The following NABP2 variants were observed in gnomAD, a reference collection of about 807,000 sequenced individuals.
The protein encoded by NABP2 is nucleic acid binding protein 2, also known as SOSS complex subunit B1.
In NABP2, 7 loss-of-function variants were observed where a neutral mutation model predicts 22.7. The observed-to-expected ratio is 0.31, with a 90% CI of 0.18 to 0.58. The LOEUF (loss-of-function observed/expected upper bound fraction) is 0.58. NABP2 is among the 20% of genes least tolerant of loss of function. The pLI is 0.89. For synonymous variants in NABP2, 107 were observed against 99.2 expected, an observed-to-expected ratio of 1.08 and a Z score of -0.47; for missense variants, 188 against 265.9, an observed-to-expected ratio of 0.71 and a Z score of 2.04.
upstream of NABP2, chr12:56,224,272 A>T (rs1869650531): frequency 1.1e-6 from 1 of 951,328 alleles, no homozygotes; most frequent in Non-Finnish European, 1.3e-6. Flanking sequence ...AGGCGGCGGG[A>T]CGCAGGGCGC....
upstream of NABP2, among the ~76,000 whole-genome samples, chr12:56,222,865 T>C (rs1256062380): frequency 6.6e-6 from 1 of 152,210 alleles, no homozygotes; most frequent in East Asian, 1.9e-4. Flanking sequence ...TGTGGACAAT[T>C]TGACAGGTCC....
At chr12:56,225,831 T>A in intron 4 of NABP2, 136 bp downstream of exon 4, 1 of 996,740 alleles carries the variant, frequency 1.0e-6, no homozygotes, top group Non-Finnish European at 1.5e-6. Flanking sequence ...TGAGAAACAG[T>A]CTCTGTCGCT....
Position 56,229,352 on chromosome 12 carries a change from A to G in NABP2, c.*139A>G, listed in dbSNP as rs1462886154. The G allele has an allele frequency of 1.2e-6, 1 of 836,998 alleles. No homozygotes were observed. Among genetic ancestry groups the G allele is most frequent in the Non-Finnish European group, 1.9e-6 (1 of 531,970 alleles). 51.8% of individuals were successfully genotyped at this position (836,998 alleles called of 1,614,324 possible). ...AGGGTGGTGAGCAGTGTCCTTATCCACCCTAATCTCATACTCCCTCATTGT... is the reference window on the plus strand; with the variant it reads ...AGGGTGGTGAGCAGTGTCCTTATCCGCCCTAATCTCATACTCCCTCATTGT... On this transcript the variant is annotated 3_prime_UTR_variant, in exon 7 of 7. Coordinates refer to ENST00000267023, the MANE Select transcript of NABP2 (RefSeq NM_024068.4).
intron 4 of NABP2, 139 bp downstream of exon 4, chr12:56,225,834 CTG>C (rs1371883117): frequency 9.0e-6 from 9 of 995,598 alleles, no homozygotes; most frequent in Non-Finnish European, 1.4e-5. Flanking sequence ...GAAACAGTCT[CTG>C]TCGCTCAGGC....
At chr12:56,225,181 GC>G (rs1244221431) in intron 2 of NABP2, among the ~76,000 whole-genome samples, 191 bp from the exon 3 acceptor site, 3 of 151,964 alleles carry the variant, frequency 2.0e-5, no homozygotes, top group East Asian at 3.9e-4. Context: ...CATGGTGCTG[GC>G]CCCTGAACTC....
chr12:56,225,611 T>C lies in NABP2; in HGVS notation c.219-13T>C. 6.2e-7 allele frequency: 1 copy of C among 1,614,198 alleles called. No homozygotes were observed. Among genetic ancestry groups the C allele is most frequent in the Non-Finnish European group, 8.5e-7 (1 of 1,180,038 alleles). On this transcript the variant is annotated splice_polypyrimidine_tract_variant and intron_variant, in intron 3 of 6. Coordinates refer to ENST00000267023, the MANE Select transcript of NABP2 (RefSeq NM_024068.4). ...TTCTGAGTACTGAATTTTGCTTTTTTTGCCTCCCATAGGTACGCTTCAGTT... is the reference window on the plus strand; with the variant it reads ...TTCTGAGTACTGAATTTTGCTTTTTCTGCCTCCCATAGGTACGCTTCAGTT...
At position 56,229,087 on chromosome 12, in the gene NABP2, T is replaced by TCA; in HGVS notation, c.511_512insAC (p.Pro171HisfsTer63). 1.3e-6 allele frequency: 2 copies of TCA among 1,512,346 alleles called. No homozygotes were observed. The highest frequency in any genetic ancestry group is 1.2e-5 in the South Asian group (1 of 84,152). The allele number at this position is 1,512,346 out of a possible 1,614,324, so 93.7% of individuals were successfully genotyped here. The stretch of plus-strand genomic sequence containing the variant: ...GTGGTGGCCCACATCCCCCTCATAC[T>TCA]CCCTCCCACCCACCCAGCACCCGAA... On this transcript the variant is annotated frameshift_variant, in exon 7 of 7. Transcript: ENST00000267023. LOFTEE classifies it high-confidence loss of function.
chr12:56,226,075 T>C, intron 4 of NABP2, 104 bp from the exon 5 acceptor site: 1 of 992,734 alleles, frequency 1.0e-6, no homozygotes, highest in South Asian at 1.4e-5. Flanking sequence ...GTGCTAGGAT[T>C]ACAGGTGTGA....
chr12:56,229,116 C>G lies in NABP2; in HGVS notation c.539C>G (p.Thr180Ser), dbSNP rs1592370117. The change falls in exon 7 of 7, where the codon ACT becomes AGT. Residue 180 changes from threonine to serine, a missense_variant. Physicochemically the swap from Thr to Ser is moderately conservative, Grantham distance 58. Coordinates refer to ENST00000267023, the MANE Select transcript of NABP2 (RefSeq NM_024068.4). ...TCCCACCCACCCAGCACCCGAATCA[C>G]TCGAAGCCAGCCCAACCACACACCT... ...TPSHPPSTRI[T>S]RSQPNHTPAG... The G allele has an allele frequency of 2.1e-6, 2 of 946,052 alleles. No homozygotes were observed. The highest frequency in any genetic ancestry group is 3.1e-6 in the Non-Finnish European group (2 of 649,162). The allele number at this position is 946,052 out of a possible 1,614,324, so 58.6% of individuals were successfully genotyped here. A position where few individuals can be genotyped will look rare whatever the true frequency, so the allele number is the denominator to read the frequency against.
At chr12:56,222,134 C>G (rs992841518), upstream of NABP2, 1 of 152,252 alleles carries the variant, frequency 6.6e-6, no homozygotes, top group Non-Finnish European at 1.5e-5. Flanking sequence ...GGAGGGAGAA[C>G]TCTATGTTCT....
At chr12:56,228,857 C>T (rs562669821) in intron 6 of NABP2, among the ~76,000 whole-genome samples, 157 bp from the exon 7 acceptor site, 9 of 152,330 alleles carry the variant, frequency 5.9e-5, no homozygotes, top group Admixed American at 3.9e-4. Flanking sequence ...CATTCATACT[C>T]GCAGCCCACA....
Position 56,229,210 on chromosome 12 carries a change from A to G in NABP2, c.633A>G (p.Arg211=). ...AAGAAACCCGGAGGAGCAGCAAGAG[A>G]TAGCATGACATTCTTTCTTCCTGCC... ...NGKETRRSSK[R] Residue 211 remains arginine, a synonymous_variant, in exon 7 of 7, where the codon AGA becomes AGG. Transcript: ENST00000267023. The G allele has an allele frequency of 1.2e-6, 2 of 1,612,210 alleles. No homozygotes were observed. Among genetic ancestry groups the G allele is most frequent in the Non-Finnish European group, 1.7e-6 (2 of 1,179,998 alleles).
At chr12:56,223,305 T>C (rs193105324), upstream of NABP2, among the ~76,000 whole-genome samples, 780 of 152,192 alleles carry the variant, frequency 5.1e-3, 2 homozygotes, top group Middle Eastern at 0.01. Context: ...CTCACGCCTG[T>C]AATCCTAGCA....
At chr12:56,224,781 C>T in intron 1 of NABP2, 53 bp from the exon 2 acceptor site, 1 of 1,491,642 alleles carries the variant, frequency 6.7e-7, no homozygotes, top group Non-Finnish European at 9.3e-7. Context: ...GGAAGTGGAG[C>T]ATGGGGGCAA....
At position 56,227,796 on chromosome 12, in the gene NABP2, A is replaced by C. The variant is rs143402940; in HGVS notation, c.437-1218A>C. On this transcript the variant is annotated intron_variant, in intron 6 of 6. Coordinates refer to ENST00000267023, the MANE Select transcript of NABP2 (RefSeq NM_024068.4). ...CCACTACACTCCAGCCTGAGTGACA[A>C]AGTGAGACCTCATCTCTAAAACAGT... 4.2e-3 allele frequency among the ~76,000 whole-genome samples: 647 copies of C among 152,316 alleles called. 5 individuals are homozygous for C. The highest frequency in any genetic ancestry group is 0.015 in the African/African-American group (625 of 41,566).
chr12:56,225,249 T>C, intron 2 of NABP2, 124 bp from the exon 3 acceptor site: 1 of 1,325,806 alleles, frequency 7.5e-7, no homozygotes, highest in Non-Finnish European at 1.1e-6. Context: ...CCCCAGGGAT[T>C]TGGGCTTTCC....
rs1325717508 is a variant in NABP2, at chr12:56,227,931, G to A, written c.437-1083G>A. ...TCACTAGCTGGGCGCAGTGGCTCGC[G>A]CCTGTAATCCCAGCACTTTGGGAGG... On this transcript the variant is annotated intron_variant, in intron 6 of 6. Transcript: ENST00000267023. Among the ~76,000 whole-genome samples, 10 of 152,258 alleles carry A rather than the reference G, an allele frequency of 6.6e-5. No homozygotes were observed. The East Asian group carries it at 9.6e-4, about 15-fold the overall frequency.
chr12:56,224,767 C>T, intron 1 of NABP2, 67 bp from the exon 2 acceptor site: 1 of 1,399,320 alleles, frequency 7.1e-7, no homozygotes, highest in Non-Finnish European at 1.0e-6. Context: ...GTAGGTAGGC[C>T]TTGGGAAGTG....
chr12:56,229,087 T>TTCCCACC lies in NABP2; in HGVS notation c.510_511insTCCCACC (p.Pro171SerfsTer32). The TTCCCACC allele has an allele frequency of 1.3e-6, 2 of 1,512,346 alleles. No homozygotes were observed. Among genetic ancestry groups the TTCCCACC allele is most frequent in the Non-Finnish European group, 1.8e-6 (2 of 1,102,014 alleles). 93.7% of individuals were successfully genotyped at this position (1,512,346 alleles called of 1,614,324 possible). On this transcript the variant is annotated frameshift_variant, in exon 7 of 7. Transcript: ENST00000267023. LOFTEE classifies it high-confidence loss of function. ...GTGGTGGCCCACATCCCCCTCATAC[T>TTCCCACC]CCCTCCCACCCACCCAGCACCCGAA...
Sources: gnomAD v4.1 joint callset for allele counts (sites outside exome capture counted in the v4.1 genomes callset) on GRCh38, gnomAD v4.1.1 for gene constraint, MANE v1.5 for transcripts, NCBI Gene and HGNC (gene_info 2026-07-23, HGNC 2026-07-21) for gene names.